The following ABTB2 variants were observed in gnomAD, a reference collection of about 807,000 sequenced individuals.
The protein encoded by ABTB2 is ankyrin repeat and BTB/POZ domain-containing protein 2.
A neutral mutation model predicts 104.1 loss-of-function variants in ABTB2; 56 were observed. That is an observed-to-expected ratio of 0.54 (90% CI 0.43 to 0.67). The LOEUF is 0.67. ABTB2 is among the 30% of genes least tolerant of loss of function. ABTB2 has a pLI of 0.00. For synonymous variants in ABTB2, 606 were observed against 608.2 expected (o/e 1.00, Z 0.05); for missense variants, 1,279 against 1,407.7 (o/e 0.91, Z 1.46).
At chr11:34,165,208 G>A (rs1852781176) in intron 8 of ABTB2, 52 bp downstream of exon 8, 2 of 1,472,544 alleles carry the variant, frequency 1.4e-6, no homozygotes, top group African/African-American at 1.4e-5. Context: ...TGGCCAGGCT[G>A]GGGGGCACTG....
intron 1 of ABTB2, among the ~76,000 whole-genome samples, chr11:34,273,537 C>T (rs2133082119): frequency 1.3e-5 from 2 of 152,270 alleles, no homozygotes; most frequent in Admixed American, 1.3e-4. Flanking sequence ...CTGTCTTCTG[C>T]TTAAAGACTC....
intron 11 of ABTB2, 112 bp from the exon 12 acceptor site, chr11:34,160,465 A>T: frequency 1.4e-6 from 1 of 734,222 alleles, no homozygotes; most frequent in Non-Finnish European, 2.4e-6. Context: ...TGCAGCCGCT[A>T]TCTTTTGTTC....
At chr11:34,176,671 A>G (rs1337158706) in intron 3 of ABTB2, among the ~76,000 whole-genome samples, 1 of 152,242 alleles carries the variant, frequency 6.6e-6, no homozygotes, top group East Asian at 1.9e-4. Context: ...CAAAATTATT[A>G]GTAGAAAGTT....
At chr11:34,228,531 C>T (rs575720258) in intron 1 of ABTB2, among the ~76,000 whole-genome samples, 40 of 152,178 alleles carry the variant, frequency 2.6e-4, no homozygotes, top group African/African-American at 9.2e-4. Context: ...ATTACAGGCG[C>T]CCGCCACCAT....
chr11:34,311,341 T>C (rs760051669), intron 1 of ABTB2, among the ~76,000 whole-genome samples: 1 of 152,216 alleles, frequency 6.6e-6, no homozygotes, highest in African/African-American at 2.4e-5. Context: ...AATCTAAAAA[T>C]ACTGAAGGTG....
Position 34,152,582 on chromosome 11 carries a change from G to A in ABTB2, c.2883C>T (p.Ile961=). The A allele has an allele frequency of 6.3e-7, 1 of 1,584,270 alleles. No individual in the cohort carries two copies. Among genetic ancestry groups the A allele is most frequent in the Middle Eastern group, 1.7e-4 (1 of 5,932 alleles). ...SAVNTYKYAK[I]HNAPELALFC... is the part of the protein sequence containing the mutation. ...ACAGGGCCAGTTCTGGGGCATTGTG[G>A]ATCTGTAGGGCAGAGAGAGGAGGGG... The change falls in exon 17 of 17, where the codon ATC becomes ATT. Residue 961 remains isoleucine (I), a splice_region_variant and synonymous_variant. Transcript: ENST00000435224.
chr11:34,294,573 A>G (rs1854598492), intron 1 of ABTB2, among the ~76,000 whole-genome samples: 1 of 152,066 alleles, frequency 6.6e-6, no homozygotes, highest in South Asian at 2.1e-4. Context: ...CCAGGTGAAA[A>G]GACTTTTGAA....
rs764620924 is a variant in ABTB2, at chr11:34,154,684, C to G, written c.2766+17G>C. 9.3e-6 allele frequency: 15 copies of G among 1,613,786 alleles called. 1 individual carries two copies. The South Asian group carries it at 1.5e-4, about 17-fold the overall frequency. On this transcript the variant is annotated intron_variant, in intron 15 of 16. Transcript: ENST00000435224. The surrounding 1 kb of genome is among the most constrained non-coding windows in gnomAD (Gnocchi z 4.9). ...GGCACCCTAGCCCAGGCCCCCTCCC[C>G]CTCTCCCGAGTCTCACCTCCAGGAT...
At chr11:34,349,364 C>T (rs529052205) in intron 1 of ABTB2, among the ~76,000 whole-genome samples, 22 of 151,784 alleles carry the variant, frequency 1.4e-4, no homozygotes, top group South Asian at 8.3e-4. Flanking sequence ...TGGGGGTAAT[C>T]GAGCCATAAC....
At chr11:34,294,507 C>T (rs962183543) in intron 1 of ABTB2, among the ~76,000 whole-genome samples, 2 of 152,060 alleles carry the variant, frequency 1.3e-5, no homozygotes, top group African/African-American at 4.8e-5. Flanking sequence ...GCCAATGCTT[C>T]CCAGGAGTAT....
At chr11:34,206,597 G>T (rs1388259045) in intron 1 of ABTB2, among the ~76,000 whole-genome samples, 8 of 152,136 alleles carry the variant, frequency 5.3e-5, no homozygotes, top group Non-Finnish European at 8.8e-5. Context: ...GCTCACTCAT[G>T]GCTGTCCTTA....
chr11:34,167,235 G>A, intron 7 of ABTB2, 24 bp downstream of exon 7: 1 of 1,585,168 alleles, frequency 6.3e-7, no homozygotes, highest in Non-Finnish European at 8.6e-7. Flanking sequence ...TGGGGGGCAT[G>A]GTGTTCACCT....
rs139740340 is a variant in ABTB2 at position 34,259,837 on chromosome 11, C to A, written c.884-55147G>T. On this transcript the variant is annotated intron_variant, in intron 1 of 16. Coordinates refer to ENST00000435224, the MANE Select transcript of ABTB2 (RefSeq NM_145804.3). ...TTATTATTATTATTTGAGACAGGGT[C>A]TCTGTTACCCAGGATGAAGCGTAGT... Among the ~76,000 whole-genome samples the A allele has an allele frequency of 6.2e-4, 95 of 152,288 alleles. 3 individuals carry two copies. The East Asian group carries it at 0.015, about 23-fold the overall frequency.
intron 1 of ABTB2, among the ~76,000 whole-genome samples, chr11:34,242,213 G>A (rs1853927424): frequency 6.6e-6 from 1 of 152,150 alleles, no homozygotes; most frequent in South Asian, 2.1e-4. Flanking sequence ...GATCTGTGAA[G>A]TGCCTCTGGG....
intron 3 of ABTB2, among the ~76,000 whole-genome samples, chr11:34,181,044 A>G (rs1283238541): frequency 6.6e-6 from 1 of 152,136 alleles, no homozygotes; most frequent in East Asian, 1.9e-4. Context: ...AGCTGGGACT[A>G]TAGGCATGCA....
At position 34,309,366 on chromosome 11, in the gene ABTB2, C is replaced by T. The variant is rs550000796; in HGVS notation, c.883+47335G>A. Among the ~76,000 whole-genome samples the T allele has an allele frequency of 5.3e-5, 8 of 152,340 alleles. No individual in the cohort carries two copies. The South Asian group carries it at 1.7e-3, about 32-fold the overall frequency. On this transcript the variant is annotated intron_variant, in intron 1 of 16. Coordinates refer to ENST00000435224, the MANE Select transcript of ABTB2 (RefSeq NM_145804.3). ...CCACTTAGAGTTAATACATCACTAA[C>T]AATCCCTTATGCCAATGACTTCCAG...
intron 1 of ABTB2, among the ~76,000 whole-genome samples, chr11:34,282,426 G>A (rs1423564098): frequency 1.3e-5 from 2 of 152,138 alleles, no homozygotes; most frequent in African/African-American, 4.8e-5. Flanking sequence ...TTAAAAGTGA[G>A]ATCACACTTT....
At chr11:34,315,063 G>A (rs1361662411) in intron 1 of ABTB2, among the ~76,000 whole-genome samples, 1 of 152,164 alleles carries the variant, frequency 6.6e-6, no homozygotes, top group Admixed American at 6.5e-5. Flanking sequence ...AAAAGTCCTC[G>A]CCAGAAGGGC....
intron 1 of ABTB2, among the ~76,000 whole-genome samples, chr11:34,225,630 C>T (rs1418958577): frequency 2.6e-5 from 4 of 151,854 alleles, no homozygotes; most frequent in Non-Finnish European, 5.9e-5. Flanking sequence ...TGGCACATGC[C>T]TGTGATTCCA....
Sources: allele counts gnomAD v4.1 joint callset (sites outside exome capture counted in the v4.1 genomes callset), GRCh38; gene constraint gnomAD v4.1.1; non-coding constraint Gnocchi (gnomAD v3.1); transcripts MANE v1.5; gene names NCBI Gene and HGNC (gene_info 2026-07-23, HGNC 2026-07-21).